Variants in TCF7L2 observed in about 807,000 individuals in gnomAD.
TCF7L2 encodes transcription factor 7-like 2.
In TCF7L2, 23 loss-of-function variants were observed where a neutral mutation model predicts 77.9. That is an observed-to-expected ratio of 0.30 (90% CI 0.21 to 0.42). The LOEUF is 0.42. Among genes scored for constraint, TCF7L2 ranks in the 10% least tolerant of loss-of-function variants. TCF7L2 has a pLI of 1.00. For missense variants in TCF7L2, 654 were observed against 793.1 expected (o/e 0.82, Z 2.11); for synonymous variants, 413 against 340.2 (o/e 1.21, Z -2.36).
Position 113,070,455 on chromosome 10 carries a change from A to G in TCF7L2, c.552+30329A>G, listed in dbSNP as rs200955623. ...CCTGTAGAATCTCATGTAATCCCAA[A>G]CAGATCCTAGCTGCTTGCTATGGCC... On this transcript the variant is annotated intron_variant, in intron 5 of 13. Transcript: ENST00000627217. Among the ~76,000 whole-genome samples the G allele has an allele frequency of 2.0e-5, 3 of 152,092 alleles. No individual in the cohort carries two copies. The East Asian group carries it at 5.8e-4, about 29-fold the overall frequency.
chr10:112,955,145 A>T (rs1365280200), intron 3 of TCF7L2, among the ~76,000 whole-genome samples: 1 of 141,454 alleles, frequency 7.1e-6, no homozygotes, highest in Non-Finnish European at 1.5e-5. Flanking sequence ...TCAAAGTGTG[A>T]CATTCCAAGC....
At chr10:113,082,736 C>T (rs570729772) in intron 5 of TCF7L2, among the ~76,000 whole-genome samples, 8 of 152,032 alleles carry the variant, frequency 5.3e-5, no homozygotes, top group Non-Finnish European at 1.2e-4. Flanking sequence ...CGCTTCTGTA[C>T]GTAGAGAGTC....
chr10:113,038,641 C>T (rs776154164), intron 4 of TCF7L2, among the ~76,000 whole-genome samples: 45 of 152,100 alleles, frequency 3.0e-4, no homozygotes, highest in Non-Finnish European at 4.7e-4. Flanking sequence ...TGAAATTGTT[C>T]TGACCATCAA....
At chr10:113,040,154 T>C in intron 5 of TCF7L2, 28 bp downstream of exon 5, 1 of 1,595,768 alleles carries the variant, frequency 6.3e-7, no homozygotes. Flanking sequence ...GATGATGGCT[T>C]CCTTTATTGA....
chr10:112,965,500 G>A (rs2036525835), intron 4 of TCF7L2, among the ~76,000 whole-genome samples: 1 of 152,206 alleles, frequency 6.6e-6, no homozygotes, highest in Non-Finnish European at 1.5e-5. Context: ...GTTTGCTGTA[G>A]TGTTGAGGTC....
At chr10:113,148,295 C>T (rs1001595424) in intron 8 of TCF7L2, among the ~76,000 whole-genome samples, 5 of 152,080 alleles carry the variant, frequency 3.3e-5, no homozygotes, top group African/African-American at 7.2e-5. Context: ...CTTCTCCTGA[C>T]GAGAGCCGGC....
chr10:113,000,877 T>G (rs769431555), intron 4 of TCF7L2, among the ~76,000 whole-genome samples: 3 of 152,216 alleles, frequency 2.0e-5, no homozygotes, highest in Non-Finnish European at 4.4e-5. Flanking sequence ...GGGTCCTATT[T>G]CTTCTCCTCC....
chr10:113,053,723 A>C (rs1185151874), intron 5 of TCF7L2, among the ~76,000 whole-genome samples: 1 of 152,194 alleles, frequency 6.6e-6, no homozygotes, highest in African/African-American at 2.4e-5. Context: ...CGATCATGGT[A>C]ATACTGGATG....
At position 113,040,032 on chromosome 10, in the gene TCF7L2, A is replaced by C; in HGVS notation, c.458A>C (p.Gln153Pro). ...TTTGTTTCCTCTCGCCAGTATCTCC[A>C]GATGAAATGGCCACTGCTTGATGTC... Residue 153 changes from glutamine to proline, a missense_variant, in exon 5 of 14, where the codon CAG becomes CCG. Around this residue, in one of 6 missense-constraint regions of TCF7L2, gnomAD observed 179 missense variants for 270.6 expected, o/e 0.66. Transcript: ENST00000627217. The C allele has an allele frequency of 6.2e-7, 1 of 1,613,642 alleles. No homozygotes were observed. Among genetic ancestry groups the C allele is most frequent in the Non-Finnish European group, 8.5e-7 (1 of 1,179,790 alleles).
chr10:113,087,901 C>G (rs1314998771), intron 5 of TCF7L2, among the ~76,000 whole-genome samples: 1 of 152,178 alleles, frequency 6.6e-6, no homozygotes, highest in Non-Finnish European at 1.5e-5. Context: ...GTACACTGCT[C>G]TAAAGATGTG....
chr10:113,090,846 G>T (rs1447890247), intron 5 of TCF7L2, among the ~76,000 whole-genome samples: 1 of 152,190 alleles, frequency 6.6e-6, no homozygotes, highest in Admixed American at 6.5e-5. Flanking sequence ...CTGACCTCGT[G>T]ATCCGCCCGC....
chr10:113,046,212 G>T (rs192062798), intron 5 of TCF7L2, among the ~76,000 whole-genome samples: 2 of 152,276 alleles, frequency 1.3e-5, no homozygotes, highest in African/African-American at 4.8e-5. Flanking sequence ...CATGGCAATA[G>T]AAAATATCCC....
At chr10:113,093,367 A>G (rs1007711628) in intron 5 of TCF7L2, among the ~76,000 whole-genome samples, 6 of 152,188 alleles carry the variant, frequency 3.9e-5, no homozygotes, top group African/African-American at 1.4e-4. Context: ...GTTCTTGGCC[A>G]TGGTTCTTGG....
chr10:113,052,040 T>C (rs2054563257), intron 5 of TCF7L2, among the ~76,000 whole-genome samples: 1 of 152,154 alleles, frequency 6.6e-6, no homozygotes, highest in Admixed American at 6.5e-5. Context: ...TCATGGAAAA[T>C]TGGTGGCAAG....
intron 5 of TCF7L2, among the ~76,000 whole-genome samples, chr10:113,107,686 C>A (rs540804806): frequency 1.0e-4 from 14 of 138,016 alleles, no homozygotes; most frequent in Admixed American, 9.7e-4. Flanking sequence ...GAGCTTACAG[C>A]GAGCTTGCAG....
At chr10:113,073,753 C>T (rs892523993) in intron 5 of TCF7L2, among the ~76,000 whole-genome samples, 5 of 152,006 alleles carry the variant, frequency 3.3e-5, no homozygotes, top group Admixed American at 1.3e-4. Context: ...AGCTGCTTCC[C>T]GATCTCCTTT....
intron 5 of TCF7L2, among the ~76,000 whole-genome samples, chr10:113,089,144 G>A (rs1162935297): frequency 6.6e-6 from 1 of 152,310 alleles, no homozygotes; most frequent in African/African-American, 2.4e-5. Flanking sequence ...AGAATGGTGG[G>A]TAGGGGTGGG....
chr10:112,986,617 A>G (rs981211617), intron 4 of TCF7L2, among the ~76,000 whole-genome samples: 6 of 152,202 alleles, frequency 3.9e-5, no homozygotes, highest in African/African-American at 7.2e-5. Flanking sequence ...CTGCACACTT[A>G]TAAGTCACTG....
rs143456570 is a variant in TCF7L2 at position 113,059,318 on chromosome 10, G to T, written c.552+19192G>T. 5.4e-3 allele frequency among the ~76,000 whole-genome samples: 816 copies of T among 152,074 alleles called. 6 individuals are homozygous for T. The highest frequency in any genetic ancestry group is 0.019 in the African/African-American group (798 of 41,480). On this transcript the variant is annotated intron_variant, in intron 5 of 13. Coordinates refer to ENST00000627217, the MANE Select transcript of TCF7L2 (RefSeq NM_001146274.2). ...ATAAAAACATGCGGCTTTCAAGGCT[G>T]GACCACTTGTTCAGGTCCTCCTCCC...
Sources: gnomAD v4.1 joint callset for allele counts (sites outside exome capture counted in the v4.1 genomes callset) on GRCh38, gnomAD v4.1.1 for gene constraint, gnomAD v4.1.1 regional missense constraint, MANE v1.5 for transcripts, NCBI Gene and HGNC (gene_info 2026-07-23, HGNC 2026-07-21) for gene names.